The following KDM6A variants were observed in gnomAD, a reference collection of about 807,000 sequenced individuals.
The protein encoded by KDM6A is lysine-specific demethylase 6A.
In KDM6A, 11 loss-of-function variants were observed where a neutral mutation model predicts 117.6. The observed-to-expected ratio is 0.09, with a 90% CI of 0.06 to 0.15. The LOEUF (loss-of-function observed/expected upper bound fraction) is 0.15, where lower values mean the gene tolerates loss of function less well. Ranked by LOEUF, KDM6A falls within the 10% of genes least tolerant of loss-of-function variation. The pLI is 1.00. For missense variants in KDM6A, 799 were observed against 1,077.3 expected (o/e 0.74, Z 3.62); for synonymous variants, 384 against 396.1 (o/e 0.97, Z 0.36).
chrX:44,877,113 A>G lies in KDM6A; in HGVS notation c.225+3126A>G, dbSNP rs770051861. 2.6e-4 allele frequency among the ~76,000 whole-genome samples: 29 copies of G among 111,655 alleles called. 1 individual carries two copies. Among genetic ancestry groups the G allele is most frequent in the Admixed American group, 1.9e-3 (20 of 10,475 alleles). On this transcript the variant is annotated intron_variant, in intron 2 of 29. Coordinates refer to ENST00000611820, the MANE Select transcript of KDM6A (RefSeq NM_001291415.2). ...CGTATGTATACGTATGTACATATCT[A>G]TATGTGTATTCCTTTTCCAGGTGTG... is the stretch of plus-strand genomic sequence containing the variant.
At chrX:45,093,619 A>G (rs2045983653) in intron 27 of KDM6A, among the ~76,000 whole-genome samples, 1 of 110,617 alleles carries the variant, frequency 9.0e-6, no homozygotes, top group African/African-American at 3.3e-5. Flanking sequence ...AGAGGGAAAA[A>G]GGAACCAAGG....
At chrX:45,031,047 A>G (rs180999342) in intron 6 of KDM6A, among the ~76,000 whole-genome samples, 30 of 112,367 alleles carry the variant, frequency 2.7e-4, no homozygotes, top group Admixed American at 4.7e-4. Flanking sequence ...ATAAGAAAAA[A>G]ATGATTTATC....
rs771679936 is a variant in KDM6A, at chrX:45,100,794, T to C, written c.4035-6616T>C. Reference sequence around the variant, plus strand: ...TTCTTGTCATATTATTTTGTTATTCTTTTGACCATCTTATAAAGCACTGTT... The same window carrying C: ...TTCTTGTCATATTATTTTGTTATTCCTTTGACCATCTTATAAAGCACTGTT... On this transcript the variant is annotated intron_variant, in intron 27 of 29. Transcript: ENST00000611820. Among the ~76,000 whole-genome samples, 3 of 110,888 alleles carry C rather than the reference T, an allele frequency of 2.7e-5. No homozygotes were observed. The South Asian group carries it at 1.1e-3, about 42-fold the overall frequency.
At chrX:44,928,427 T>C (rs747054305) in intron 2 of KDM6A, among the ~76,000 whole-genome samples, 1 of 111,971 alleles carries the variant, frequency 8.9e-6, no homozygotes, top group African/African-American at 3.2e-5. Context: ...ATTAAAAATA[T>C]CAGAAACAAA....
intron 2 of KDM6A, among the ~76,000 whole-genome samples, chrX:44,902,232 A>G (rs2034395254): frequency 9.0e-6 from 1 of 111,262 alleles, no homozygotes; most frequent in South Asian, 3.8e-4. Context: ...CCATCTCAAA[A>G]AAACAAAAAT....
Position 45,081,677 on chromosome X carries a change from A to C in KDM6A, c.3301-899A>C, listed in dbSNP as rs944715395. Among the ~76,000 whole-genome samples the C allele has an allele frequency of 2.9e-4, 33 of 112,484 alleles. 1 individual carries two copies. The Middle Eastern group carries it at 0.014, about 47-fold the overall frequency. ...TTCCTCAAGTTTTCTCTCCTCTTGA[A>C]AATGGGGCAGGTATGAGAATCTGTA... On this transcript the variant is annotated intron_variant, in intron 21 of 29. Transcript: ENST00000611820.
At chrX:45,040,682 C>A (rs1490855842) in intron 8 of KDM6A, among the ~76,000 whole-genome samples, 2 of 76,567 alleles carry the variant, frequency 2.6e-5, no homozygotes, top group Non-Finnish European at 5.1e-5. Context: ...GCTGACCCCC[C>A]CCACCTCCCT....
intron 4 of KDM6A, among the ~76,000 whole-genome samples, chrX:44,975,054 G>C (rs766971929): frequency 9.0e-6 from 1 of 111,639 alleles, no homozygotes; most frequent in East Asian, 2.8e-4. Context: ...GTAAAAGAAG[G>C]CTGAAGACGT....
chrX:44,924,270 T>A (rs1474662808), intron 2 of KDM6A, among the ~76,000 whole-genome samples: 1 of 112,123 alleles, frequency 8.9e-6, no homozygotes, highest in Non-Finnish European at 1.9e-5. Context: ...TGTCTTTGAT[T>A]CCTGGTACAC....
chrX:45,071,061 C>T (rs191030331), intron 18 of KDM6A, among the ~76,000 whole-genome samples: 1 of 111,991 alleles, frequency 8.9e-6, no homozygotes, highest in East Asian at 2.8e-4. Flanking sequence ...TCTTACTGGC[C>T]TTTTCATTGT....
chrX:45,025,275 GTC>G lies in KDM6A; in HGVS notation c.564+4548_564+4549del, dbSNP rs780153691. 1.9e-4 allele frequency among the ~76,000 whole-genome samples: 21 copies of G among 111,031 alleles called. No individual in the cohort carries two copies. In the South Asian group the frequency reaches 8.0e-3, roughly 42 times the overall value. On this transcript the variant is annotated intron_variant, in intron 6 of 29. Coordinates refer to ENST00000611820, the MANE Select transcript of KDM6A (RefSeq NM_001291415.2). ...CCTCCCAGTTTCGAACAATTCTCCT[GTC>G]TCAGCCTCCCGAGTAGCTGGGACTA...
chrX:45,042,432 C>T (rs1457511077), intron 8 of KDM6A, among the ~76,000 whole-genome samples: 4 of 110,403 alleles, frequency 3.6e-5, no homozygotes, highest in Non-Finnish European at 5.7e-5. Flanking sequence ...AAACTCTACA[C>T]CAGTGATTAT....
At chrX:44,874,054 C>T (rs1601998662) in intron 2 of KDM6A, 67 bp downstream of exon 2, 6 of 1,050,763 alleles carry the variant, frequency 5.7e-6, no homozygotes, top group East Asian at 3.1e-5. Context: ...GCCCCGGGCC[C>T]CGCGGCCGGG....
rs2148143888 is a variant in KDM6A at position 45,082,734 on chromosome X, G to A, written c.3385G>A (p.Gly1129Arg). 8.3e-7 allele frequency: 1 copy of A among 1,205,503 alleles called. No individual in the cohort carries two copies. Among genetic ancestry groups the A allele is most frequent in the Non-Finnish European group, 1.1e-6 (1 of 890,404 alleles). ...TTTAAGTTCTGGGAGGAGGAGGAAA[G>A]GACCCTTTAAAACCATAAAGTTTGG... ...SSDNSGRRRK[G>R]PFKTIKFGTN... is the part of the protein sequence containing the mutation. The change falls in exon 23 of 30, where the codon GGA becomes AGA. Residue 1129 changes from glycine (G) to arginine (R), a missense_variant. Gly to Arg is a moderately radical substitution (Grantham distance 125). Around this residue, in one of 8 missense-constraint regions of KDM6A, gnomAD observed 291 missense variants for 437.9 expected, o/e 0.66. Transcript: ENST00000611820.
chrX:44,899,004 G>GGTGTGTGTGTGTGTGTGTGTGTGTGT (rs745714866), intron 2 of KDM6A, among the ~76,000 whole-genome samples: 6 of 79,656 alleles, frequency 7.5e-5, no homozygotes, highest in African/African-American at 1.9e-4. Flanking sequence ...GGAGAGGGAG[G>GGTGTGTGTGTGTGTGTGTGTGTGTGT]GTGTGTGTGT....
chrX:44,989,038 C>T (rs1468770355), intron 4 of KDM6A, among the ~76,000 whole-genome samples: 3 of 108,013 alleles, frequency 2.8e-5, no homozygotes, highest in African/African-American at 1.0e-4. Context: ...GCCTCCTTGA[C>T]CTGTGGTGGG....
intron 8 of KDM6A, among the ~76,000 whole-genome samples, chrX:45,041,040 A>T (rs1172309480): frequency 1.6e-5 from 1 of 62,760 alleles, no homozygotes; most frequent in African/African-American, 6.5e-5. Flanking sequence ...CTGGCCGGGC[A>T]GAGGGGCTCC....
At chrX:44,903,839 T>C (rs2034499064) in intron 2 of KDM6A, among the ~76,000 whole-genome samples, 1 of 112,117 alleles carries the variant, frequency 8.9e-6, no homozygotes, top group African/African-American at 3.2e-5. Context: ...CCTTATACTT[T>C]AGTTCTTGAG....
intron 27 of KDM6A, 89 bp from the exon 28 acceptor site, chrX:45,107,321 C>G (rs2148286226): frequency 2.2e-6 from 2 of 896,384 alleles, no homozygotes; most frequent in Non-Finnish European, 3.3e-6. Flanking sequence ...AATCAAGTCT[C>G]TTGGCATTAT....
Sources: allele counts gnomAD v4.1 joint callset (sites outside exome capture counted in the v4.1 genomes callset), GRCh38; gene constraint gnomAD v4.1.1; regional missense constraint gnomAD v4.1.1; transcripts MANE v1.5; gene names NCBI Gene and HGNC (gene_info 2026-07-23, HGNC 2026-07-21).